Variants in PRTG observed in about 807,000 individuals in gnomAD.
The protein encoded by PRTG is protogenin.
A neutral mutation model predicts 122.5 loss-of-function variants in PRTG; 67 were observed. That is an observed-to-expected ratio of 0.55 (90% CI 0.45 to 0.67). The LOEUF is 0.67. PRTG is among the 30% of genes least tolerant of loss of function. The pLI is 0.00. For missense variants in PRTG, 1,435 were observed against 1,415.4 expected (o/e 1.01, Z -0.22); for synonymous variants, 554 against 501.1 (o/e 1.11, Z -1.41).
At chr15:55,629,047 T>C (rs2141718468) in intron 15 of PRTG, 43 bp from the exon 16 acceptor site, 2 of 1,402,620 alleles carry the variant, frequency 1.4e-6, no homozygotes, top group East Asian at 2.3e-5. Flanking sequence ...ATTTATCTTT[T>C]ATTCTTTCAC....
intron 2 of PRTG, among the ~76,000 whole-genome samples, chr15:55,700,401 G>A (rs1184213069): frequency 6.6e-6 from 1 of 152,022 alleles, no homozygotes; most frequent in Non-Finnish European, 1.5e-5. Context: ...TGTGTCCTGG[G>A]GTTAGGCAAA....
chr15:55,654,422 A>G (rs1308223421), intron 11 of PRTG, among the ~76,000 whole-genome samples: 1 of 152,204 alleles, frequency 6.6e-6, no homozygotes, highest in Non-Finnish European at 1.5e-5. Context: ...TATAAGTACG[A>G]AATTTATAAT....
At chr15:55,626,415 A>C (rs1162097473) in intron 17 of PRTG, among the ~76,000 whole-genome samples, 1 of 151,156 alleles carries the variant, frequency 6.6e-6, no homozygotes, top group Admixed American at 6.6e-5. Context: ...TCTCAAAAAA[A>C]AAAAAAAGGA....
In PRTG at chr15:55,627,058, C is replaced by A. The variant is rs2059198976; in HGVS notation, c.2877G>T (p.Leu959Phe). ...TGAGAACACAGATGAGGATGCAGGT[C>A]AAGGCTATGCCAACACCTACAGCAA... Reference protein sequence around the residue: ...TGIAVGVGIALTCILICVLIL... With the variant: ...TGIAVGVGIAFTCILICVLIL... The change falls in exon 17 of 20, where the codon TTG becomes TTT. Residue 959 changes from leucine to phenylalanine, a missense_variant. Transcript: ENST00000389286. 1.2e-6 allele frequency: 2 copies of A among 1,612,516 alleles called. No individual in the cohort carries two copies. The highest frequency in any genetic ancestry group is 1.1e-5 in the South Asian group (1 of 90,944).
At position 55,675,539 on chromosome 15, in the gene PRTG, G is replaced by A. The variant is rs762218679; in HGVS notation, c.1526C>T (p.Thr509Ile). 5.0e-6 allele frequency: 8 copies of A among 1,611,236 alleles called. No individual in the cohort carries two copies. The South Asian group carries it at 8.8e-5, about 18-fold the overall frequency. ...CTTACCATCCTCTAGAGTATTCTGT[G>A]TCACATGGTCAGACATCTGGCTGGC... is the stretch of plus-strand genomic sequence containing the variant. ...MGASQMSDHV[T>I]QNTLEDVPLR... is the part of the protein sequence containing the mutation. The change falls in exon 9 of 20, where the codon ACA (threonine) becomes ATA (isoleucine). Residue 509 changes from threonine to isoleucine, a missense_variant. Physicochemically the swap from Thr to Ile is moderately conservative, Grantham distance 89. Coordinates refer to ENST00000389286, the MANE Select transcript of PRTG (RefSeq NM_173814.6).
At chr15:55,643,032 TA>T (rs2141741031) in intron 11 of PRTG, among the ~76,000 whole-genome samples, 1 of 151,842 alleles carries the variant, frequency 6.6e-6, no homozygotes, top group African/African-American at 2.4e-5. Context: ...ATGACTGTGC[TA>T]CCGTACTCCA....
rs766563292 is a variant in PRTG at position 55,639,612 on chromosome 15, A to G, written c.2324+30T>C. 34 of 1,597,722 alleles carry G rather than the reference A, an allele frequency of 2.1e-5. No individual in the cohort carries two copies. The African/African-American group carries it at 2.3e-4, about 11-fold the overall frequency. On this transcript the variant is annotated intron_variant, in intron 13 of 19. Transcript: ENST00000389286. Reference sequence around the variant, plus strand: ...AGTGGGGGTGTGGTGAGGTAAGCAAAGAAAATAACCATTAACAGGAGCTAC... The same window carrying G: ...AGTGGGGGTGTGGTGAGGTAAGCAAGGAAAATAACCATTAACAGGAGCTAC...
chr15:55,638,433 T>C (rs964628148), intron 14 of PRTG, 116 bp downstream of exon 14: 3 of 647,762 alleles, frequency 4.6e-6, no homozygotes, highest in African/African-American at 1.9e-5. Context: ...CAAATACATA[T>C]ATCAAGTGGT....
chr15:55,691,128 C>G (rs1028813497), intron 2 of PRTG, among the ~76,000 whole-genome samples: 1 of 151,946 alleles, frequency 6.6e-6, no homozygotes, highest in Non-Finnish European at 1.5e-5. Flanking sequence ...AACCCCATCT[C>G]TACTAAAAAT....
chr15:55,639,807 G>A lies in PRTG; in HGVS notation c.2159C>T (p.Pro720Leu), dbSNP rs577085510. 7.4e-6 allele frequency: 12 copies of A among 1,614,102 alleles called. No individual in the cohort carries two copies. In the African/African-American group the frequency reaches 1.5e-4, roughly 20 times the overall value. Reference sequence around the variant, plus strand: ...GAGATGGTGGGGTGGTGGTGGAGGAGGGACCATGCGATCACGAACAGCTAT... The same window carrying A: ...GAGATGGTGGGGTGGTGGTGGAGGAAGGACCATGCGATCACGAACAGCTAT... ...GCVSVRDRMV[P>L]PPPPPHHLYA... The change falls in exon 13 of 20, where the codon CCT becomes CTT. Residue 720 changes from proline (P) to leucine (L), a missense_variant. Physicochemically the swap from Pro to Leu is moderately conservative, Grantham distance 98. Transcript: ENST00000389286.
chr15:55,737,583 G>C (rs556245178), intron 2 of PRTG, among the ~76,000 whole-genome samples: 5 of 152,290 alleles, frequency 3.3e-5, no homozygotes, highest in Admixed American at 6.5e-5. Context: ...CTACATGAAA[G>C]CTTTGGCCAA....
intron 2 of PRTG, among the ~76,000 whole-genome samples, chr15:55,691,410 C>T (rs111348388): frequency 1.6e-4 from 24 of 151,798 alleles, no homozygotes; most frequent in Non-Finnish European, 2.8e-4. Context: ...AGGCTGGGCA[C>T]GGTGGCTCAC....
intron 15 of PRTG, among the ~76,000 whole-genome samples, chr15:55,635,074 G>GTGTGTGTGTGTGTGT (rs1567076962): frequency 0.048 from 6,489 of 135,278 alleles, 251 homozygotes; most frequent in East Asian, 0.15. Context: ...GTTGGTTCTG[G>GTGTGTGTGTGTGTGT]GTGTGTGTGT....
chr15:55,650,840 T>G (rs1295045525), intron 11 of PRTG, among the ~76,000 whole-genome samples: 3 of 151,996 alleles, frequency 2.0e-5, no homozygotes, highest in African/African-American at 7.2e-5. Flanking sequence ...GATAGTGCAT[T>G]CCTATAGTCC....
At chr15:55,702,830 G>T in intron 2 of PRTG, 1 of 809,226 alleles carries the variant, frequency 1.2e-6, no homozygotes, top group Non-Finnish European at 1.5e-6. Flanking sequence ...AACCTGAAAA[G>T]CCCAGCCTAA....
At chr15:55,733,349 A>G (rs1022682783) in intron 2 of PRTG, among the ~76,000 whole-genome samples, 8 of 151,956 alleles carry the variant, frequency 5.3e-5, no homozygotes, top group Non-Finnish European at 1.2e-4. Flanking sequence ...TGTCTCTACT[A>G]AAAATACAAA....
intron 9 of PRTG, among the ~76,000 whole-genome samples, chr15:55,674,945 T>A (rs2059494039): frequency 6.6e-6 from 1 of 152,126 alleles, no homozygotes; most frequent in African/African-American, 2.4e-5. Context: ...TTAATATGGA[T>A]GAAATTTCCC....
At chr15:55,639,232 C>A (rs751485024) in intron 13 of PRTG, among the ~76,000 whole-genome samples, 12 of 152,142 alleles carry the variant, frequency 7.9e-5, no homozygotes, top group African/African-American at 2.2e-4. Context: ...CCTCAGCCCC[C>A]CCAAAATCAT....
intron 11 of PRTG, among the ~76,000 whole-genome samples, chr15:55,651,410 G>C (rs1178155416): frequency 6.6e-6 from 1 of 152,124 alleles, no homozygotes; most frequent in African/African-American, 2.4e-5. Flanking sequence ...GCTGCCTTTT[G>C]ATCATTGCTT....
Sources: gnomAD v4.1 joint callset for allele counts (sites outside exome capture counted in the v4.1 genomes callset) on GRCh38, gnomAD v4.1.1 for gene constraint, MANE v1.5 for transcripts, NCBI Gene and HGNC (gene_info 2026-07-23, HGNC 2026-07-21) for gene names.